The following ARSI variants were observed in gnomAD, a reference collection of about 807,000 sequenced individuals.
The protein encoded by ARSI is arylsulfatase I.
In ARSI, 37 loss-of-function variants were observed where a neutral mutation model predicts 42.1. That is an observed-to-expected ratio of 0.88 (90% CI 0.68 to 1.16). The LOEUF is 1.16. Ranked by LOEUF, ARSI falls within the 50% of genes most tolerant of loss-of-function variation. The probability of loss-of-function intolerance (pLI) is 0.00; values close to 1 mark genes in which losing one functional copy is unlikely to be tolerated. For synonymous variants in ARSI, 305 were observed against 320.3 expected, an observed-to-expected ratio of 0.95 and a Z score of 0.51; for missense variants, 725 against 790.1, an observed-to-expected ratio of 0.92 and a Z score of 0.99.
chr5:150,296,732 G>C lies in ARSI; in HGVS notation c.*482C>G, dbSNP rs562991135. 88 of 153,310 alleles carry C rather than the reference G, an allele frequency of 5.7e-4. 1 individual carries two copies. Among genetic ancestry groups the C allele is most frequent in the Non-Finnish European group, 7.4e-4 (51 of 68,922 alleles). The allele number at this position is 153,310 out of a possible 1,614,324, so 9.5% of individuals were successfully genotyped here. A position where few individuals can be genotyped will look rare whatever the true frequency, so the allele number is the denominator to read the frequency against. On this transcript the variant is annotated 3_prime_UTR_variant, in exon 2 of 2. Transcript: ENST00000328668. ...CCTGCCCTCCACCCACAGCGCTTGG[G>C]GGTCCCTGTAGAGAGCAGCCAGATT...
In ARSI at chr5:150,297,791, C is replaced by A. The variant is rs1251003139; in HGVS notation, c.1133G>T (p.Ser378Ile). 8 of 1,604,514 alleles carry A rather than the reference C, an allele frequency of 5.0e-6. No individual in the cohort carries two copies. Among genetic ancestry groups the A allele is most frequent in the Non-Finnish European group, 6.8e-6 (8 of 1,174,606 alleles). The change falls in exon 2 of 2, where the codon AGC becomes ATC. Residue 378 changes from serine to isoleucine, a missense_variant. Coordinates refer to ENST00000328668, the MANE Select transcript of ARSI (RefSeq NM_001012301.4). This position sits in a 1 kb window ranked among gnomAD's most constrained non-coding sequence, Gnocchi z 7.0. ...LDGYDVWPAI[S>I]EGRASPRTEI... ...CGTGCGTGGTGAGGCCCGGCCCTCG[C>A]TGATGGCCGGCCACACGTCGTAGCC...
At position 150,301,839 on chromosome 5, in the gene ARSI, T is replaced by C. The variant is rs141455197; in HGVS notation, c.311+224A>G. 5.9e-3 allele frequency among the ~76,000 whole-genome samples: 895 copies of C among 152,228 alleles called. 10 individuals are homozygous for C. The highest frequency in any genetic ancestry group is 0.02 in the African/African-American group (834 of 41,520). On this transcript the variant is annotated intron_variant, in intron 1 of 1. Transcript: ENST00000328668. Reference sequence around the variant, plus strand: ...GTCTCCACGTTGTGTGGAATGTGAGTGTCCTGGAACATCAAAGCAAGAAGA... The same window carrying C: ...GTCTCCACGTTGTGTGGAATGTGAGCGTCCTGGAACATCAAAGCAAGAAGA...
At position 150,302,801 on chromosome 5, in the gene ARSI, C is replaced by A; in HGVS notation, c.-428G>T. ...CCGGCCTCTCGCCCCACCCGGAGTC[C>A]TTAAAACAGCCCAGCTCCCTGCAGG... On this transcript the variant is annotated 5_prime_UTR_variant, in exon 1 of 2. It adds an upstream start codon to the 5' untranslated region. Coordinates refer to ENST00000328668, the MANE Select transcript of ARSI (RefSeq NM_001012301.4). This position sits in a 1 kb window ranked among gnomAD's most constrained non-coding sequence, Gnocchi z 6.1. The A allele has an allele frequency of 6.5e-6, 1 of 155,032 alleles. No individual in the cohort carries two copies. The highest frequency in any genetic ancestry group is 1.4e-5 in the Non-Finnish European group (1 of 70,058). 9.6% of individuals were successfully genotyped at this position (155,032 alleles called of 1,614,324 possible). A position where few individuals can be genotyped will look rare whatever the true frequency, so the allele number is the denominator to read the frequency against.
rs968431 is a variant in ARSI at position 150,302,647 on chromosome 5, A to G, written c.-274T>C. ...GCGCCGCCTTTGCTCCCTCTTCCCC[A>G]GCTCAGCCCGGCCAGCCTGAGACGC... On this transcript the variant is annotated 5_prime_UTR_variant, in exon 1 of 2. Transcript: ENST00000328668. This position sits in a 1 kb window ranked among gnomAD's most constrained non-coding sequence, Gnocchi z 6.1. 236,559 of 328,504 alleles carry G rather than the reference A, an allele frequency of 0.72. 85,526 individuals are homozygous for G. Among genetic ancestry groups the G allele is most frequent in the Non-Finnish European group, 0.74 (134,848 of 181,782 alleles). 20.3% of individuals were successfully genotyped at this position (328,504 alleles called of 1,614,324 possible).
chr5:150,297,741 G>A lies in ARSI; in HGVS notation c.1183C>T (p.Leu395Phe). The A allele has an allele frequency of 6.2e-7, 1 of 1,612,338 alleles. No individual in the cohort carries two copies. The highest frequency in any genetic ancestry group is 8.5e-7 in the Non-Finnish European group (1 of 1,179,444). The change falls in exon 2 of 2, where the codon CTC becomes TTC. Residue 395 changes from leucine to phenylalanine, a missense_variant. Physicochemically the swap from Leu to Phe is conservative, Grantham distance 22. Transcript: ENST00000328668. This position sits in a 1 kb window ranked among gnomAD's most constrained non-coding sequence, Gnocchi z 7.0. ...GAGCCATGCTGGGCATGGTTGTAGAGTGGGTCAATGTTGTGCAGGATCTCC... is the reference window on the plus strand; with the variant it reads ...GAGCCATGCTGGGCATGGTTGTAGAATGGGTCAATGTTGTGCAGGATCTCC... ...RTEILHNIDP[L>F]YNHAQHGSLE...
chr5:150,298,701 G>T, intron 1 of ARSI, 89 bp from the exon 2 acceptor site: 1 of 1,296,966 alleles, frequency 7.7e-7, no homozygotes, highest in Non-Finnish European at 1.1e-6. Context: ...ACTGTGAGGT[G>T]GGCTGTGGTC....
chr5:150,297,327 C>T lies in ARSI; in HGVS notation c.1597G>A (p.Glu533Lys). 6.2e-7 allele frequency: 1 copy of T among 1,613,732 alleles called. No homozygotes were observed. Among genetic ancestry groups the T allele is most frequent in the South Asian group, 1.1e-5 (1 of 91,004 alleles). The change falls in exon 2 of 2, where the codon GAA becomes AAA. Residue 533 changes from glutamate to lysine, a missense_variant. Transcript: ENST00000328668. The surrounding 1 kb of genome is among the most constrained non-coding windows in gnomAD (Gnocchi z 7.0). ...WASDEEEEEE[E>K]GRARSFSRGR... Reference sequence around the variant, plus strand: ...CGGGAGAAGCTTCGAGCCCTCCCTTCCTCTTCCTCCTCTTCCTCATCACTG... The same window carrying T: ...CGGGAGAAGCTTCGAGCCCTCCCTTTCTCTTCCTCCTCTTCCTCATCACTG...
rs544577332 is a variant in ARSI, at chr5:150,298,527, G to A, written c.397C>T (p.Gln133Ter). Residue 133 changes from glutamine to a stop codon, truncating the protein, a stop_gained, in exon 2 of 2, where the codon CAG becomes TAG. Transcript: ENST00000328668. LOFTEE classifies it low-confidence loss of function (END_TRUNC). ...CLPLDQVTLP[Q>*]KLQEAGYSTH... ...GAATAACCTGCCTCCTGCAGCTTCTGTGGCAGTGTCACCTGGTCCAGGGGC... is the reference window on the plus strand; with the variant it reads ...GAATAACCTGCCTCCTGCAGCTTCTATGGCAGTGTCACCTGGTCCAGGGGC... The A allele has an allele frequency of 1.9e-6, 3 of 1,614,218 alleles. No individual in the cohort carries two copies. Among genetic ancestry groups the A allele is most frequent in the Non-Finnish European group, 2.5e-6 (3 of 1,180,030 alleles).
chr5:150,297,496 G>T lies in ARSI; in HGVS notation c.1428C>A (p.Asp476Glu). ...NISADPYEREDLAGQRPDVVR... is the reference protein window; with the variant it reads ...NISADPYEREELAGQRPDVVR... ...CCACATCAGGCCGCTGGCCAGCCAG[G>T]TCCTCCCGTTCATAAGGGTCAGCAC... The change falls in exon 2 of 2, where the codon GAC becomes GAA. Residue 476 changes from aspartate to glutamate, a missense_variant. Transcript: ENST00000328668. The surrounding 1 kb of genome is among the most constrained non-coding windows in gnomAD (Gnocchi z 7.0). The T allele has an allele frequency of 3.1e-6, 5 of 1,613,828 alleles. No homozygotes were observed. The highest frequency in any genetic ancestry group is 1.1e-5 in the South Asian group (1 of 91,040).
In ARSI at chr5:150,297,983, C is replaced by A. The variant is rs185169618; in HGVS notation, c.941G>T (p.Arg314Leu). Residue 314 changes from arginine to leucine, a missense_variant, in exon 2 of 2, where the codon CGC becomes CTC. By Grantham distance (102) the Arg-to-Leu change is moderately radical. Coordinates refer to ENST00000328668, the MANE Select transcript of ARSI (RefSeq NM_001012301.4). This position sits in a 1 kb window ranked among gnomAD's most constrained non-coding sequence, Gnocchi z 7.0. The stretch of plus-strand genomic sequence containing the variant: ...GCCACCTTCCCAATAAGTGCCCTTG[C>A]GTCCTCGGAGCGGCCAGTTGCTGCC... ...SGGSNWPLRG[R>L]KGTYWEGGVR... The A allele has an allele frequency of 3.7e-6, 6 of 1,612,398 alleles. No homozygotes were observed. Among genetic ancestry groups the A allele is most frequent in the East Asian group, 2.2e-5 (1 of 44,892 alleles).
At position 150,302,342 on chromosome 5, in the gene ARSI, C is replaced by A; in HGVS notation, c.32G>T (p.Ser11Ile). 6.4e-7 allele frequency: 1 copy of A among 1,556,702 alleles called. No individual in the cohort carries two copies. The highest frequency in any genetic ancestry group is 1.2e-5 in the South Asian group (1 of 83,984). MHTLTGFSLV[S>I]LLSFGYLSWD... ...GGACAGGTAGCCGAAGCTGAGCAGG[C>A]TGACCAGGGAGAAGCCAGTGAGGGT... Residue 11 changes from serine (S) to isoleucine (I), a missense_variant, in exon 1 of 2, where the codon AGC (serine) becomes ATC (isoleucine). Ser to Ile is a moderately radical substitution (Grantham distance 142, BLOSUM62 -2). Coordinates refer to ENST00000328668, the MANE Select transcript of ARSI (RefSeq NM_001012301.4). This position sits in a 1 kb window ranked among gnomAD's most constrained non-coding sequence, Gnocchi z 6.1.
In ARSI at chr5:150,297,301, C is replaced by A. The variant is rs763749103; in HGVS notation, c.1623G>T (p.Arg541=). ...TCTTGCATTTTTTCTTGCGACGACCCCGGGAGAAGCTTCGAGCCCTCCCTT... is the reference window on the plus strand; with the variant it reads ...TCTTGCATTTTTTCTTGCGACGACCACGGGAGAAGCTTCGAGCCCTCCCTT... ...EEEGRARSFS[R]GRRKKKCKIC... Residue 541 remains arginine, a synonymous_variant, in exon 2 of 2, where the codon CGG becomes CGT. Coordinates refer to ENST00000328668, the MANE Select transcript of ARSI (RefSeq NM_001012301.4). This position sits in a 1 kb window ranked among gnomAD's most constrained non-coding sequence, Gnocchi z 7.0. 1.1e-5 allele frequency: 17 copies of A among 1,612,600 alleles called. No individual in the cohort carries two copies. Among genetic ancestry groups the A allele is most frequent in the South Asian group, 2.2e-5 (2 of 90,814 alleles).
chr5:150,299,517 G>C (rs1315817157), intron 1 of ARSI, among the ~76,000 whole-genome samples: 2 of 151,970 alleles, frequency 1.3e-5, no homozygotes, highest in Non-Finnish European at 2.9e-5. Context: ...ACTTAAGAGG[G>C]TTTTAGAGCC....
At position 150,298,318 on chromosome 5, in the gene ARSI, C is replaced by A. The variant is rs761286691; in HGVS notation, c.606G>T (p.Gly202=). 3 of 1,613,094 alleles carry A rather than the reference C, an allele frequency of 1.9e-6. No homozygotes were observed. Among genetic ancestry groups the A allele is most frequent in the Non-Finnish European group, 2.5e-6 (3 of 1,179,286 alleles). ...DLHEGENVAW[G]LSGQYSTMLY... ...GCATAGTGGAGTACTGGCCGCTGAGCCCCCAGGCCACATTCTCACCCTCGT... is the reference window on the plus strand; with the variant it reads ...GCATAGTGGAGTACTGGCCGCTGAGACCCCAGGCCACATTCTCACCCTCGT... Residue 202 remains glycine (G), a synonymous_variant, in exon 2 of 2, where the codon GGG becomes GGT. Coordinates refer to ENST00000328668, the MANE Select transcript of ARSI (RefSeq NM_001012301.4).
rs1364617914 is a variant in ARSI, at chr5:150,298,480, C to T, written c.444G>A (p.Trp148Ter). 3 of 1,614,088 alleles carry T rather than the reference C, an allele frequency of 1.9e-6. No homozygotes were observed. The highest frequency in any genetic ancestry group is 1.7e-6 in the Non-Finnish European group (2 of 1,180,042). ...ACTCCTTCCGGTAGAAGCCCAGGTG[C>T]CACTTGCCCACCATATGGGTGGAAT... ...AGYSTHMVGK[W>*]HLGFYRKECL... Residue 148 changes from tryptophan to a stop codon, truncating the protein, a stop_gained, in exon 2 of 2, where the codon TGG becomes TGA. Coordinates refer to ENST00000328668, the MANE Select transcript of ARSI (RefSeq NM_001012301.4). LOFTEE classifies it high-confidence loss of function.
chr5:150,299,105 T>C (rs1160613966), intron 1 of ARSI, among the ~76,000 whole-genome samples: 4 of 152,184 alleles, frequency 2.6e-5, no homozygotes, highest in Non-Finnish European at 5.9e-5. Context: ...GCCCGGTGAC[T>C]CACACGGCTA....
At chr5:150,300,001 C>T (rs540478001) in intron 1 of ARSI, among the ~76,000 whole-genome samples, 1 of 152,268 alleles carries the variant, frequency 6.6e-6, no homozygotes, top group East Asian at 1.9e-4. Flanking sequence ...TTGAAAGTCC[C>T]AGAGTAAATA....
chr5:150,297,961 A>T lies in ARSI; in HGVS notation c.963T>A (p.Gly321=), dbSNP rs779388905. 6.0e-5 allele frequency: 97 copies of T among 1,611,796 alleles called. No homozygotes were observed. The highest frequency in any genetic ancestry group is 5.3e-5 in the Non-Finnish European group (62 of 1,179,348). Residue 321 remains glycine (G), a synonymous_variant, in exon 2 of 2, where the codon GGT becomes GGA. Coordinates refer to ENST00000328668, the MANE Select transcript of ARSI (RefSeq NM_001012301.4). The surrounding 1 kb of genome is among the most constrained non-coding windows in gnomAD (Gnocchi z 7.0). ...LRGRKGTYWE[G]GVRGLGFVHS... ...GGACAAAGCCTAGGCCCCGCACGCC[A>T]CCTTCCCAATAAGTGCCCTTGCGTC...
Position 150,298,558 on chromosome 5 carries a change from G to A in ARSI, c.366C>T (p.Asn122=), listed in dbSNP as rs1256244319. 6.2e-7 allele frequency: 1 copy of A among 1,613,922 alleles called. No individual in the cohort carries two copies. Among genetic ancestry groups the A allele is most frequent in the East Asian group, 2.2e-5 (1 of 44,874 alleles). ...GTGTCACCTGGTCCAGGGGCAGGCA[G>A]TTGGGCTGCTGTGGGCGGATGATGG... The part of the protein sequence containing the change: ...QHSIIRPQQP[N]CLPLDQVTLP... Residue 122 remains asparagine, a synonymous_variant, in exon 2 of 2, where the codon AAC becomes AAT. Transcript: ENST00000328668.
Sources: allele counts gnomAD v4.1 joint callset (sites outside exome capture counted in the v4.1 genomes callset), GRCh38; gene constraint gnomAD v4.1.1; non-coding constraint Gnocchi (gnomAD v3.1); transcripts MANE v1.5; gene names NCBI Gene and HGNC (gene_info 2026-07-23, HGNC 2026-07-21).